The following HIPK2 variants were observed in gnomAD, a reference collection of about 807,000 sequenced individuals.
HIPK2 encodes the protein homeodomain-interacting protein kinase 2.
HIPK2 carries 27 observed loss-of-function variants against 113.7 expected under a neutral mutation model. The ratio of observed to expected loss-of-function variants is 0.24; its 90% CI spans 0.17 to 0.33. The LOEUF is 0.33. Among genes scored for constraint, HIPK2 ranks in the 10% least tolerant of loss-of-function variants. HIPK2 has a pLI of 1.00. For missense variants in HIPK2, 1,257 were observed against 1,588.0 expected (o/e 0.79, Z 3.54); for synonymous variants, 631 against 642.2 (o/e 0.98, Z 0.26).
Position 139,569,735 on chromosome 7 carries a change from CT to C in HIPK2, c.*3191del, listed in dbSNP as rs1798203289. On this transcript the variant is annotated 3_prime_UTR_variant, in exon 15 of 15. Transcript: ENST00000406875. ...GAAACAATTTTCCTACTTCCTAAGT[CT>C]TTCCTTTTTTTTTTTGCCTGACAAA... 1 of 145,442 alleles carries C rather than the reference CT, an allele frequency of 6.9e-6. No homozygotes were observed. The highest frequency in any genetic ancestry group is 1.5e-5 in the Non-Finnish European group (1 of 67,350). 9.0% of individuals were successfully genotyped at this position (145,442 alleles called of 1,614,324 possible).
chr7:139,619,781 G>A (rs976829633), intron 7 of HIPK2, among the ~76,000 whole-genome samples: 2 of 151,860 alleles, frequency 1.3e-5, no homozygotes, highest in African/African-American at 4.8e-5. Context: ...TGTTTTTTGA[G>A]ACGGGGTCTC....
At chr7:139,711,320 C>T (rs1795061829) in intron 2 of HIPK2, among the ~76,000 whole-genome samples, 1 of 151,972 alleles carries the variant, frequency 6.6e-6, no homozygotes, top group Admixed American at 6.6e-5. Context: ...CCCAGCTACT[C>T]AGGAGGCTGA....
At chr7:139,598,857 G>A (rs891672102) in intron 11 of HIPK2, among the ~76,000 whole-genome samples, 1 of 152,192 alleles carries the variant, frequency 6.6e-6, no homozygotes, top group Non-Finnish European at 1.5e-5. Context: ...AGTGGACTTT[G>A]TTGCCACCCA....
Position 139,620,573 on chromosome 7 carries a change from C to G in HIPK2, c.1620-10G>C, listed in dbSNP as rs758650541. ...GAAACATGATTTGACGCTGTTCATGCAAAAGGCAGAGGCATATTGAGACAT... is the reference window on the plus strand; with the variant it reads ...GAAACATGATTTGACGCTGTTCATGGAAAAGGCAGAGGCATATTGAGACAT... On this transcript the variant is annotated splice_polypyrimidine_tract_variant and intron_variant, in intron 6 of 14. Transcript: ENST00000406875. The G allele has an allele frequency of 4.3e-6, 7 of 1,613,476 alleles. No individual in the cohort carries two copies. In the Admixed American group the frequency reaches 8.3e-5, roughly 19 times the overall value.
intron 2 of HIPK2, among the ~76,000 whole-genome samples, chr7:139,690,002 G>A (rs1459839593): frequency 6.6e-6 from 1 of 151,280 alleles, no homozygotes; most frequent in African/African-American, 2.4e-5. Flanking sequence ...GTGTGCACAG[G>A]GGGCTGGGGG....
At chr7:139,687,564 T>C (rs1313615937) in intron 2 of HIPK2, among the ~76,000 whole-genome samples, 1 of 152,120 alleles carries the variant, frequency 6.6e-6, no homozygotes, top group Non-Finnish European at 1.5e-5. Flanking sequence ...AGAATTTTGG[T>C]TTTAATTTTA....
At chr7:139,721,727 G>A (rs567470197) in intron 1 of HIPK2, among the ~76,000 whole-genome samples, 14 of 152,214 alleles carry the variant, frequency 9.2e-5, no homozygotes, top group South Asian at 8.3e-4. Flanking sequence ...AAGAGAAGGC[G>A]GATTTTACTC....
chr7:139,647,281 G>T (rs1486717442), intron 2 of HIPK2, among the ~76,000 whole-genome samples: 1 of 152,126 alleles, frequency 6.6e-6, no homozygotes, highest in African/African-American at 2.4e-5. Context: ...CAGACATTGG[G>T]TGTCATTGTT....
At chr7:139,604,637 T>G (rs978364479) in intron 9 of HIPK2, among the ~76,000 whole-genome samples, 2 of 127,368 alleles carry the variant, frequency 1.6e-5, no homozygotes, top group Admixed American at 1.1e-4. Context: ...TGAGCCGAGA[T>G]GGCGCCACTG....
chr7:139,657,915 C>T (rs866825970), intron 2 of HIPK2, among the ~76,000 whole-genome samples: 2 of 152,192 alleles, frequency 1.3e-5, no homozygotes, highest in East Asian at 1.9e-4. Flanking sequence ...TCCAGATGCC[C>T]TTTAAGAGGT....
At chr7:139,594,796 A>G (rs1006026724) in intron 12 of HIPK2, among the ~76,000 whole-genome samples, 2 of 152,122 alleles carry the variant, frequency 1.3e-5, no homozygotes, top group Non-Finnish European at 2.9e-5. Context: ...TCACTGCAGG[A>G]TGCTGTGGGA....
At position 139,697,941 on chromosome 7, in the gene HIPK2, C is replaced by T. The variant is rs1362753658; in HGVS notation, c.1103+17991G>A. 2.7e-5 allele frequency among the ~76,000 whole-genome samples: 4 copies of T among 149,192 alleles called. No homozygotes were observed. In the Admixed American group the frequency reaches 2.7e-4, roughly 10 times the overall value. ...CTGGAGTGCATTGGCACGATCTTGG[C>T]TCACTGCAGCCTCCGCCTCCTAGGC... On this transcript the variant is annotated intron_variant, in intron 2 of 14. Transcript: ENST00000406875.
At chr7:139,634,978 A>G (rs1452728283) in intron 2 of HIPK2, among the ~76,000 whole-genome samples, 1 of 152,170 alleles carries the variant, frequency 6.6e-6, no homozygotes, top group East Asian at 1.9e-4. Context: ...ATACCTGGCC[A>G]GAAAAGAAGG....
At chr7:139,695,621 C>A (rs1285046074) in intron 2 of HIPK2, among the ~76,000 whole-genome samples, 3 of 152,224 alleles carry the variant, frequency 2.0e-5, no homozygotes, top group Non-Finnish European at 2.9e-5. Flanking sequence ...GTTTACAGGA[C>A]AAACAGTTCA....
chr7:139,572,764 G>GTCC lies in HIPK2; in HGVS notation c.*162_*163insGGA. On this transcript the variant is annotated 3_prime_UTR_variant, in exon 15 of 15. Transcript: ENST00000406875. Reference sequence around the variant, plus strand: ...GTCCCGACCCGTCCCCCTGCCCTCTGCCCCCCCCCCCCCCCCCGCCCCTGC... The same window carrying GTCC: ...GTCCCGACCCGTCCCCCTGCCCTCTGTCCCCCCCCCCCCCCCCCCCGCCCCTGC... 2 of 27,800 alleles carry GTCC rather than the reference G, an allele frequency of 7.2e-5. 1 individual carries two copies. The highest frequency in any genetic ancestry group is 2.2e-3 in the South Asian group (2 of 930). 1.7% of individuals were successfully genotyped at this position (27,800 alleles called of 1,614,324 possible). A position where few individuals can be genotyped will look rare whatever the true frequency, so the allele number is the denominator to read the frequency against.
chr7:139,725,063 C>T (rs568683075), intron 1 of HIPK2, among the ~76,000 whole-genome samples: 1 of 151,954 alleles, frequency 6.6e-6, no homozygotes. Flanking sequence ...ATTAAGGGTC[C>T]TCTACATAAA....
chr7:139,689,861 G>A (rs1473751884), intron 2 of HIPK2, among the ~76,000 whole-genome samples: 1 of 152,170 alleles, frequency 6.6e-6, no homozygotes, highest in Non-Finnish European at 1.5e-5. Flanking sequence ...TCAATCAACA[G>A]GAGAGCGGCA....
intron 9 of HIPK2, among the ~76,000 whole-genome samples, chr7:139,611,528 A>G (rs1323860853): frequency 6.6e-6 from 1 of 152,186 alleles, no homozygotes; most frequent in African/African-American, 2.4e-5. Context: ...TAAACATGAT[A>G]AAGTGTTTCT....
intron 1 of HIPK2, among the ~76,000 whole-genome samples, chr7:139,727,880 A>G (rs1001443491): frequency 2.0e-5 from 3 of 152,226 alleles, no homozygotes; most frequent in Non-Finnish European, 4.4e-5. Flanking sequence ...GGATCAATGA[A>G]AAGAAAATAA....
Sources: gnomAD v4.1 joint callset for allele counts (sites outside exome capture counted in the v4.1 genomes callset) on GRCh38, gnomAD v4.1.1 for gene constraint, MANE v1.5 for transcripts, NCBI Gene and HGNC (gene_info 2026-07-23, HGNC 2026-07-21) for gene names.